Variants in SNW1 observed in about 807,000 individuals in gnomAD.
SNW1 encodes SNW domain containing 1, also known as SNW domain-containing protein 1.
In SNW1, 9 loss-of-function variants were observed where a neutral mutation model predicts 75.6. The observed-to-expected ratio is 0.12, with a 90% CI of 0.07 to 0.21. The LOEUF is 0.21. Among genes scored for constraint, SNW1 ranks in the 10% least tolerant of loss-of-function variants. SNW1 has a pLI of 1.00. For synonymous variants in SNW1, 200 were observed against 219.1 expected (o/e 0.91, Z 0.77); for missense variants, 409 against 670.9 (o/e 0.61, Z 4.31).
chr14:77,726,033 T>C (rs919203799), intron 10 of SNW1, among the ~76,000 whole-genome samples: 6 of 152,246 alleles, frequency 3.9e-5, no homozygotes, highest in African/African-American at 1.2e-4. Context: ...TTGGTTACTA[T>C]AGCCTTGTAG....
intron 1 of SNW1, among the ~76,000 whole-genome samples, chr14:77,760,093 ATTGTT>A (rs1262652527): frequency 6.6e-6 from 1 of 152,130 alleles, no homozygotes; most frequent in Non-Finnish European, 1.5e-5. Flanking sequence ...GTGTTCTGTA[ATTGTT>A]TTATGTCTGT....
At chr14:77,760,828 T>G (rs1219515471) in intron 1 of SNW1, 1 of 727,860 alleles carries the variant, frequency 1.4e-6, no homozygotes, top group Non-Finnish European at 2.4e-6. Flanking sequence ...CGCTGTCCGC[T>G]CCCCGCAAGA....
chr14:77,720,314 TA>T (rs1324331400), intron 12 of SNW1, among the ~76,000 whole-genome samples: 1 of 152,116 alleles, frequency 6.6e-6, no homozygotes, highest in Non-Finnish European at 1.5e-5. Context: ...TTCGTATTTT[TA>T]GTAGAGATGG....
At chr14:77,725,013 T>C (rs185198497) in intron 10 of SNW1, among the ~76,000 whole-genome samples, 1 of 152,292 alleles carries the variant, frequency 6.6e-6, no homozygotes, top group Non-Finnish European at 1.5e-5. Context: ...CCAGCATCTA[T>C]TATTGCCTTT....
intron 3 of SNW1, among the ~76,000 whole-genome samples, chr14:77,740,148 A>G (rs111711971): frequency 1.1e-5 from 1 of 89,562 alleles, no homozygotes; most frequent in East Asian, 3.4e-4. Flanking sequence ...AAAAAAAAAA[A>G]AAAAAAAAAA....
In SNW1 at chr14:77,761,144, C is replaced by T; in HGVS notation, c.-17G>A. 2 of 1,614,262 alleles carry T rather than the reference C, an allele frequency of 1.2e-6. No homozygotes were observed. Among genetic ancestry groups the T allele is most frequent in the East Asian group, 2.2e-5 (1 of 44,892 alleles). The stretch of plus-strand genomic sequence containing the variant: ...GAGCGCCATCTTCTTCCGCTTCTTC[C>T]AGCGCGAGCGACAGCACCGCTGGGC... On this transcript the variant is annotated 5_prime_UTR_variant, in exon 1 of 14. Transcript: ENST00000261531.
intron 9 of SNW1, among the ~76,000 whole-genome samples, chr14:77,732,189 T>C (rs2080632886): frequency 6.6e-6 from 1 of 152,162 alleles, no homozygotes; most frequent in African/African-American, 2.4e-5. Context: ...AGAGGAAAAT[T>C]TGAAATCAAA....
At chr14:77,753,995 C>A (rs928186971) in intron 2 of SNW1, among the ~76,000 whole-genome samples, 1 of 151,612 alleles carries the variant, frequency 6.6e-6, no homozygotes, top group Non-Finnish European at 1.5e-5. Context: ...TGTAAAGGAT[C>A]CTGAGTAATT....
intron 3 of SNW1, among the ~76,000 whole-genome samples, chr14:77,745,764 C>G (rs1203423684): frequency 6.6e-6 from 1 of 152,028 alleles, no homozygotes; most frequent in Non-Finnish European, 1.5e-5. Flanking sequence ...TGGCACACAA[C>G]TGTAATTCCA....
intron 7 of SNW1, 124 bp downstream of exon 7, chr14:77,735,813 G>A: frequency 1.6e-6 from 1 of 641,114 alleles, no homozygotes; most frequent in Non-Finnish European, 2.7e-6. Context: ...ACTTCATCTT[G>A]AAAAATAAAA....
At chr14:77,754,809 A>G (rs1312316862) in intron 2 of SNW1, among the ~76,000 whole-genome samples, 158 bp downstream of exon 2, 1 of 152,238 alleles carries the variant, frequency 6.6e-6, no homozygotes, top group Non-Finnish European at 1.5e-5. Context: ...AAAATGATAC[A>G]TCTTCTGAGG....
intron 1 of SNW1, chr14:77,760,614 C>T: frequency 1.4e-6 from 1 of 701,582 alleles, no homozygotes; most frequent in Non-Finnish European, 2.6e-6. Context: ...TACTGTGGCT[C>T]ATTTAAATCT....
chr14:77,728,447 G>A (rs1353216330), intron 10 of SNW1, among the ~76,000 whole-genome samples: 3 of 151,842 alleles, frequency 2.0e-5, no homozygotes, highest in African/African-American at 7.3e-5. Flanking sequence ...GCGAAACTCC[G>A]TTTCAAAAAA....
chr14:77,750,857 T>G (rs1197884782), intron 3 of SNW1, among the ~76,000 whole-genome samples: 2 of 152,172 alleles, frequency 1.3e-5, no homozygotes, highest in East Asian at 3.8e-4. Context: ...TGTAATTTAT[T>G]ATACTCAAAT....
intron 6 of SNW1, among the ~76,000 whole-genome samples, chr14:77,736,742 G>A (rs935434778): frequency 6.6e-6 from 1 of 151,948 alleles, no homozygotes; most frequent in African/African-American, 2.4e-5. Flanking sequence ...CTTGCCCCTT[G>A]CCTATTCCTC....
In SNW1 at chr14:77,721,961, T is replaced by C. The variant is rs180986028; in HGVS notation, c.1131-1133A>G. Among the ~76,000 whole-genome samples, 250 of 152,270 alleles carry C rather than the reference T, an allele frequency of 1.6e-3. 2 individuals are homozygous for C. Among genetic ancestry groups the C allele is most frequent in the Middle Eastern group, 6.8e-3 (2 of 294 alleles). The stretch of plus-strand genomic sequence containing the variant: ...TGGGGTTTCACCATGTTGGCCAGGC[T>C]GGTCTTGAACTCCTGACCTCAAGTG... On this transcript the variant is annotated intron_variant, in intron 11 of 13. Transcript: ENST00000261531.
chr14:77,723,305 C>T, intron 10 of SNW1, 28 bp from the exon 11 acceptor site: 1 of 1,507,640 alleles, frequency 6.6e-7, no homozygotes, highest in Non-Finnish European at 9.2e-7. Context: ...AAGTACTTCA[C>T]TGTAATATGT....
At chr14:77,730,921 G>C (rs1189901488) in intron 10 of SNW1, 67 bp downstream of exon 10, 12 of 1,549,562 alleles carry the variant, frequency 7.7e-6, no homozygotes, top group Non-Finnish European at 1.0e-5. Context: ...GTAGGAAAAA[G>C]ATTTTCTAAA....
At chr14:77,755,986 G>A (rs758224646) in intron 1 of SNW1, among the ~76,000 whole-genome samples, 13 of 151,262 alleles carry the variant, frequency 8.6e-5, no homozygotes, top group Admixed American at 5.3e-4. Flanking sequence ...TGATGTGCCC[G>A]CCCCGGCCTC....
Sources: gnomAD v4.1 joint callset for allele counts (sites outside exome capture counted in the v4.1 genomes callset) on GRCh38, gnomAD v4.1.1 for gene constraint, MANE v1.5 for transcripts, NCBI Gene and HGNC (gene_info 2026-07-23, HGNC 2026-07-21) for gene names.